P4HA1: variants seen among roughly 807,000 people sequenced by gnomAD.
P4HA1 encodes prolyl 4-hydroxylase subunit alpha 1.
Under a neutral mutation model 72.8 loss-of-function variants are expected in P4HA1, and 24 were observed. The observed-to-expected ratio is 0.33, with a 90% confidence interval of 0.24 to 0.46. The LOEUF (loss-of-function observed/expected upper bound fraction) is 0.46, where lower values mean the gene tolerates loss of function less well. P4HA1 is among the 20% of genes least tolerant of loss of function. The pLI is 1.00. For synonymous variants in P4HA1, 201 were observed against 218.8 expected (o/e 0.92, Z 0.72); for missense variants, 446 against 640.6 (o/e 0.70, Z 3.28).
At chr10:73,070,933 G>A (rs1020566142) in intron 4 of P4HA1, among the ~76,000 whole-genome samples, 1 of 152,118 alleles carries the variant, frequency 6.6e-6, no homozygotes, top group African/African-American at 2.4e-5. Context: ...GTAATCCCTA[G>A]CGCTGTGGGA....
chr10:73,070,142 CTTTTTTTTTTTT>C (rs71021546), intron 4 of P4HA1, among the ~76,000 whole-genome samples: 1,965 of 64,244 alleles, frequency 0.031, 19 homozygotes, highest in Non-Finnish European at 0.045. Context: ...GAGACCAGGC[CTTTTTTTTTTTT>C]TTTTTTTTTT....
At chr10:73,027,759 G>A (rs1296554963) in intron 10 of P4HA1, among the ~76,000 whole-genome samples, 1 of 143,256 alleles carries the variant, frequency 7.0e-6, no homozygotes, top group African/African-American at 2.6e-5. Flanking sequence ...AGGGAGGGAA[G>A]GGAAGGAAGG....
chr10:73,051,124 CT>C lies in P4HA1; in HGVS notation c.828del (p.Val278LeufsTer23). 1 of 1,614,024 alleles carries C rather than the reference CT, an allele frequency of 6.2e-7. No homozygotes were observed. The highest frequency in any genetic ancestry group is 8.5e-7 in the Non-Finnish European group (1 of 1,179,944). On this transcript the variant is annotated frameshift_variant, in exon 7 of 15. Transcript: ENST00000394890. LOFTEE classifies it high-confidence loss of function. ...TCTGGCAGGTAATCCACAGCAACCC[CT>C]TTTTTCTTTGGTGTAGTTTTCTGAT... The part of the protein sequence containing the change: ...QSDQKTTPKK[K>X]GVAVDYLPER...
At chr10:73,094,388 T>C (rs756919871) in intron 1 of P4HA1, among the ~76,000 whole-genome samples, 4 of 152,130 alleles carry the variant, frequency 2.6e-5, no homozygotes, top group Admixed American at 1.3e-4. Flanking sequence ...AGTTCATGAA[T>C]GGACTTGAGT....
Position 73,091,865 on chromosome 10 carries a change from A to T in P4HA1, c.-33+4901T>A, listed in dbSNP as rs1842038748. On this transcript the variant is annotated intron_variant, in intron 1 of 14. Transcript: ENST00000394890. ...AAGTTAAATATACTCTTATCTCTGA[A>T]CATGAGCTATTCAGACCAAGGCCAC... Among the ~76,000 whole-genome samples, 5 of 152,218 alleles carry T rather than the reference A, an allele frequency of 3.3e-5. No individual in the cohort carries two copies. The South Asian group carries it at 1.0e-3, about 32-fold the overall frequency.
intron 1 of P4HA1, among the ~76,000 whole-genome samples, chr10:73,093,905 TATACAC>T (rs1172556071): frequency 1.3e-5 from 1 of 75,676 alleles, no homozygotes; most frequent in African/African-American, 6.5e-5. Context: ...TATATATATA[TATACAC>T]ACACACACAC....
intron 1 of P4HA1, among the ~76,000 whole-genome samples, chr10:73,078,334 T>G (rs1841748058): frequency 1.3e-5 from 2 of 152,134 alleles, no homozygotes; most frequent in Admixed American, 1.3e-4. Context: ...TTAATGTTGT[T>G]ATATGCCAAG....
intron 10 of P4HA1, among the ~76,000 whole-genome samples, chr10:73,021,344 A>G (rs1216084372): frequency 6.6e-6 from 1 of 152,202 alleles, no homozygotes; most frequent in Non-Finnish European, 1.5e-5. Flanking sequence ...GGAAATTAGC[A>G]TGATGAAGAG....
intron 1 of P4HA1, among the ~76,000 whole-genome samples, chr10:73,076,783 T>A (rs1841706357): frequency 6.6e-6 from 1 of 152,098 alleles, no homozygotes; most frequent in African/African-American, 2.4e-5. Context: ...AGTAACAGGC[T>A]CCCATTAGTT....
intron 13 of P4HA1, among the ~76,000 whole-genome samples, chr10:73,010,480 C>T (rs1839890972): frequency 6.6e-6 from 1 of 152,174 alleles, no homozygotes; most frequent in Admixed American, 6.5e-5. Context: ...AAACACAATG[C>T]AGAACCCATT....
intron 9 of P4HA1, among the ~76,000 whole-genome samples, chr10:73,038,622 C>CTTTT (rs745518781): frequency 5.2e-4 from 57 of 108,818 alleles, no homozygotes; most frequent in Admixed American, 1.0e-3. Context: ...TTTTTATTTG[C>CTTTT]TTTTTTTTTT....
At chr10:73,074,747 A>T in intron 2 of P4HA1, 61 bp downstream of exon 2, 1 of 885,802 alleles carries the variant, frequency 1.1e-6, no homozygotes, top group Non-Finnish European at 1.9e-6. Context: ...ATTTTAAAAC[A>T]CTAAAAAATG....
At chr10:73,009,550 G>C in intron 14 of P4HA1, 1 of 376,216 alleles carries the variant, frequency 2.7e-6, no homozygotes, top group South Asian at 3.7e-5. Context: ...AACCCTTTGA[G>C]GGGAAGATAT....
intron 10 of P4HA1, among the ~76,000 whole-genome samples, chr10:73,019,541 T>C (rs929859149): frequency 6.6e-5 from 10 of 152,070 alleles, no homozygotes; most frequent in African/African-American, 2.4e-4. Context: ...CAATTCATGA[T>C]ATGAATCAGA....
At chr10:73,051,314 G>A in intron 6 of P4HA1, 65 bp from the exon 7 acceptor site, 3 of 848,048 alleles carry the variant, frequency 3.5e-6, no homozygotes, top group Non-Finnish European at 5.5e-6. Context: ...TCAGAATATA[G>A]TAATATAAAA....
In P4HA1 at chr10:73,049,104, G is replaced by A. The variant is rs181609343; in HGVS notation, c.900+1949C>T. ...TGCACTCTAGCCTGAGCAACAGAGC[G>A]AGACTCCGTCTCAGAGAAAAAAAAA... On this transcript the variant is annotated intron_variant, in intron 7 of 14. Transcript: ENST00000394890. Among the ~76,000 whole-genome samples, 31 of 150,432 alleles carry A rather than the reference G, an allele frequency of 2.1e-4. No individual in the cohort carries two copies. In the East Asian group the frequency reaches 4.4e-3, roughly 21 times the overall value.
chr10:73,087,859 A>G (rs1841955399), intron 1 of P4HA1, among the ~76,000 whole-genome samples: 1 of 152,066 alleles, frequency 6.6e-6, no homozygotes, highest in South Asian at 2.1e-4. Flanking sequence ...CAGTCTGTGA[A>G]GTCTTTTTAT....
intron 5 of P4HA1, among the ~76,000 whole-genome samples, 175 bp downstream of exon 5, chr10:73,068,671 G>A (rs1252228395): frequency 2.6e-5 from 4 of 152,080 alleles, no homozygotes; most frequent in Non-Finnish European, 4.4e-5. Flanking sequence ...AAGCATACCC[G>A]TAACTATTAA....
At chr10:73,031,799 C>T (rs1589588227) in intron 9 of P4HA1, among the ~76,000 whole-genome samples, 1 of 152,146 alleles carries the variant, frequency 6.6e-6, no homozygotes, top group Non-Finnish European at 1.5e-5. Flanking sequence ...GGAACTATAT[C>T]TCAATTTTAA....
Sources: allele counts gnomAD v4.1 joint callset (sites outside exome capture counted in the v4.1 genomes callset), GRCh38; gene constraint gnomAD v4.1.1; transcripts MANE v1.5; gene names NCBI Gene and HGNC (gene_info 2026-07-23, HGNC 2026-07-21).